Variants in RPS11 observed in about 807,000 individuals in gnomAD.
The protein encoded by RPS11 is ribosomal protein S11, also known as small ribosomal subunit protein uS17.
For synonymous variants in RPS11, 107 were observed against 78.0 expected, an observed-to-expected ratio of 1.37 and a Z score of -1.96; for missense variants, 127 against 211.4, an observed-to-expected ratio of 0.60 and a Z score of 2.48.
At chr19:49,497,769 C>G (rs1046775380) in intron 3 of RPS11, 148 bp from the exon 4 acceptor site, 3 of 1,246,480 alleles carry the variant, frequency 2.4e-6, no homozygotes, top group Non-Finnish European at 2.4e-6. Flanking sequence ...CACGTGGGCA[C>G]TGCTGAGAAA....
intron 1 of RPS11, 120 bp from the exon 2 acceptor site, chr19:49,497,074 C>T (rs1440134283): frequency 4.1e-6 from 5 of 1,221,178 alleles, no homozygotes; most frequent in Admixed American, 2.5e-5. Context: ...CCTTGGACGC[C>T]GGCGCTTTGC....
chr19:49,498,780 G>C (rs966478392), intron 4 of RPS11, among the ~76,000 whole-genome samples: 1 of 152,192 alleles, frequency 6.6e-6, no homozygotes, highest in Non-Finnish European at 1.5e-5. Flanking sequence ...AGATTTTGCA[G>C]CGTTTCAGAA....
At chr19:49,498,116 T>C in intron 4 of RPS11, 70 bp downstream of exon 4, 5 of 1,567,184 alleles carry the variant, frequency 3.2e-6, no homozygotes, top group Non-Finnish European at 4.4e-6. Flanking sequence ...ATCGGACCAA[T>C]TTAAGGCCAA....
intron 1 of RPS11, among the ~76,000 whole-genome samples, 198 bp downstream of exon 1, chr19:49,496,669 G>A (rs76089857): frequency 0.018 from 2,699 of 152,222 alleles, 67 homozygotes; most frequent in African/African-American, 0.061. Flanking sequence ...GGCTCCTGGC[G>A]TTAATGGAGG....
chr19:49,498,077 G>T lies in RPS11; in HGVS notation c.353+31G>T, dbSNP rs747747195. ...CGCAGTGGCCCATCAGGTTGCTCAG[G>T]CCACGCTCTCTCAGCCTTCAGATTC... On this transcript the variant is annotated intron_variant, in intron 4 of 4. Coordinates refer to ENST00000270625, the MANE Select transcript of RPS11 (RefSeq NM_001015.5). 1.1e-5 allele frequency: 18 copies of T among 1,611,170 alleles called. No homozygotes were observed. In the South Asian group the frequency reaches 1.8e-4, roughly 16 times the overall value.
At position 49,496,484 on chromosome 19, in the gene RPS11, G is replaced by T. The variant is rs993564777; in HGVS notation, c.15+13G>T. The T allele has an allele frequency of 6.2e-7, 1 of 1,609,532 alleles. No homozygotes were observed. The highest frequency in any genetic ancestry group is 1.7e-5 in the Admixed American group (1 of 59,734). On this transcript the variant is annotated intron_variant, in intron 1 of 4. Transcript: ENST00000270625. ...GGCGGACATTCAGGTGCGGACTCGG[G>T]GTTGGATGCCAGGGTGCGGGGTCCG... is the stretch of plus-strand genomic sequence containing the variant.
chr19:49,499,492 G>C lies in RPS11; in HGVS notation c.354-20G>C. On this transcript the variant is annotated intron_variant, in intron 4 of 4. Transcript: ENST00000270625. The stretch of plus-strand genomic sequence containing the variant: ...CTGGGGTGGCCCCTCCTGAGGACAT[G>C]GCCCTACCTGCCTCCACAGGGACGT... 13 of 1,610,766 alleles carry C rather than the reference G, an allele frequency of 8.1e-6. No individual in the cohort carries two copies. The highest frequency in any genetic ancestry group is 1.1e-5 in the Non-Finnish European group (13 of 1,177,466).
intron 4 of RPS11, 21 bp downstream of exon 4, chr19:49,498,067 G>A: frequency 6.2e-7 from 1 of 1,611,722 alleles, no homozygotes; most frequent in Non-Finnish European, 8.5e-7. Flanking sequence ...TGGCCCATCA[G>A]GTTGCTCAGG....
chr19:49,497,351 G>A (rs1568692132), intron 2 of RPS11, 26 bp downstream of exon 2: 5 of 1,613,480 alleles, frequency 3.1e-6, no homozygotes, highest in Non-Finnish European at 4.2e-6. Context: ...GAAGAAAGAA[G>A]GGGAACCTGG....
intron 3 of RPS11, 44 bp from the exon 4 acceptor site, chr19:49,497,873 C>G (rs761743642): frequency 1.9e-6 from 3 of 1,613,774 alleles, no homozygotes; most frequent in Non-Finnish European, 2.5e-6. Flanking sequence ...ACCTATGGCC[C>G]TCTTTCCCAT....
intron 4 of RPS11, 185 bp downstream of exon 4, chr19:49,498,231 C>T (rs1343400924): frequency 9.4e-6 from 6 of 641,216 alleles, no homozygotes; most frequent in African/African-American, 7.3e-5. Flanking sequence ...GGGTGAATAT[C>T]TCTACCTGAA....
At position 49,496,474 on chromosome 19, in the gene RPS11, G is replaced by A. The variant is rs757431642; in HGVS notation, c.15+3G>A. 10 of 1,611,184 alleles carry A rather than the reference G, an allele frequency of 6.2e-6. No individual in the cohort carries two copies. Among genetic ancestry groups the A allele is most frequent in the Non-Finnish European group, 6.8e-6 (8 of 1,178,780 alleles). On this transcript the variant is annotated splice_donor_region_variant and intron_variant, in intron 1 of 4. Transcript: ENST00000270625. ...CCGGGAAGATGGCGGACATTCAGGTGCGGACTCGGGGTTGGATGCCAGGGT... is the reference window on the plus strand; with the variant it reads ...CCGGGAAGATGGCGGACATTCAGGTACGGACTCGGGGTTGGATGCCAGGGT...
chr19:49,496,491 TGCCAGGGTG>T lies in RPS11; in HGVS notation c.15+21_15+29del. 1 of 1,607,882 alleles carries T rather than the reference TGCCAGGGTG, an allele frequency of 6.2e-7. No individual in the cohort carries two copies. Among genetic ancestry groups the T allele is most frequent in the Non-Finnish European group, 8.5e-7 (1 of 1,177,320 alleles). On this transcript the variant is annotated intron_variant, in intron 1 of 4. Transcript: ENST00000270625. Reference sequence around the variant, plus strand: ...ATTCAGGTGCGGACTCGGGGTTGGATGCCAGGGTGCGGGGTCCGCCTTGGCCTTCAGGGG... The same window carrying T: ...ATTCAGGTGCGGACTCGGGGTTGGATCGGGGTCCGCCTTGGCCTTCAGGGG...
chr19:49,497,283 G>A lies in RPS11; in HGVS notation c.105G>A (p.Arg35=), dbSNP rs780089898. ...AAACTGGCAAGGAGAAGCTCCCGCGGTACTACAAGAACATCGGTCTGGGCT... is the reference window on the plus strand; with the variant it reads ...AAACTGGCAAGGAGAAGCTCCCGCGATACTACAAGAACATCGGTCTGGGCT... ...LGETGKEKLP[R]YYKNIGLGFK... Residue 35 remains arginine, a synonymous_variant, in exon 2 of 5, where the codon CGG becomes CGA. Transcript: ENST00000270625. The A allele has an allele frequency of 1.4e-5, 23 of 1,614,014 alleles. No homozygotes were observed. The highest frequency in any genetic ancestry group is 1.9e-5 in the Non-Finnish European group (23 of 1,180,036).
chr19:49,497,107 C>T, intron 1 of RPS11, 87 bp from the exon 2 acceptor site: 1 of 1,499,452 alleles, frequency 6.7e-7, no homozygotes, highest in Non-Finnish European at 9.1e-7. Context: ...AGCATGGGGT[C>T]TGGGAGGTTC....
intron 4 of RPS11, among the ~76,000 whole-genome samples, chr19:49,498,719 C>T (rs936138184): frequency 2.6e-5 from 4 of 152,128 alleles, no homozygotes; most frequent in South Asian, 4.1e-4. Flanking sequence ...CACTGCTCTC[C>T]GGCCTGGGCG....
chr19:49,498,074 C>A, intron 4 of RPS11, 28 bp downstream of exon 4: 1 of 1,611,362 alleles, frequency 6.2e-7, no homozygotes, highest in South Asian at 1.1e-5. Context: ...TCAGGTTGCT[C>A]AGGCCACGCT....
chr19:49,497,760 A>G, intron 3 of RPS11, 157 bp from the exon 4 acceptor site: 1 of 1,179,414 alleles, frequency 8.5e-7, no homozygotes, highest in East Asian at 2.3e-5. Flanking sequence ...TCAGATGCCC[A>G]CGTGGGCACT....
intron 2 of RPS11, 33 bp downstream of exon 2, chr19:49,497,358 C>G (rs754205731): frequency 1.9e-6 from 3 of 1,613,128 alleles, no homozygotes; most frequent in African/African-American, 2.7e-5. Flanking sequence ...GAAGGGGAAC[C>G]TGGCGTTCCT....
Sources: allele counts gnomAD v4.1 joint callset (sites outside exome capture counted in the v4.1 genomes callset), GRCh38; gene constraint gnomAD v4.1.1; transcripts MANE v1.5; gene names NCBI Gene and HGNC (gene_info 2026-07-23, HGNC 2026-07-21).